Variants in WAC observed in about 807,000 individuals in gnomAD.
WAC encodes the protein WW domain-containing adapter protein with coiled-coil.
A neutral mutation model predicts 79.6 loss-of-function variants in WAC; 11 were observed. That is an observed-to-expected ratio of 0.14 (90% CI 0.09 to 0.23). The LOEUF (loss-of-function observed/expected upper bound fraction) is 0.23. Among genes scored for constraint, WAC ranks in the 10% least tolerant of loss-of-function variants. WAC has a pLI of 1.00. For synonymous variants in WAC, 304 were observed against 276.9 expected, an observed-to-expected ratio of 1.10 and a Z score of -0.97; for missense variants, 728 against 773.5, an observed-to-expected ratio of 0.94 and a Z score of 0.70.
chr10:28,568,444 G>T (rs111271328), intron 3 of WAC, among the ~76,000 whole-genome samples: 1 of 152,136 alleles, frequency 6.6e-6, no homozygotes, highest in Non-Finnish European at 1.5e-5. Context: ...GCAGTGGCAC[G>T]GTCTTGGCTC....
intron 3 of WAC, among the ~76,000 whole-genome samples, chr10:28,578,494 G>C (rs1488540873): frequency 6.6e-6 from 1 of 152,150 alleles, no homozygotes; most frequent in Non-Finnish European, 1.5e-5. Flanking sequence ...TGAGTAGACT[G>C]AAAACTGTTG....
chr10:28,603,835 G>T (rs1297965042), intron 7 of WAC, among the ~76,000 whole-genome samples: 1 of 150,432 alleles, frequency 6.6e-6, no homozygotes, highest in African/African-American at 2.4e-5. Context: ...TCGGGAGGCT[G>T]AGGCAGGAGA....
At chr10:28,547,897 A>G (rs991396121) in intron 3 of WAC, among the ~76,000 whole-genome samples, 27 of 146,660 alleles carry the variant, frequency 1.8e-4, no homozygotes, top group African/African-American at 6.8e-4. Flanking sequence ...ATTACATTTT[A>G]ATTTTCTTTC....
At chr10:28,563,809 C>T (rs188058976) in intron 3 of WAC, among the ~76,000 whole-genome samples, 61 of 131,298 alleles carry the variant, frequency 4.6e-4, no homozygotes, top group Admixed American at 9.2e-4. Flanking sequence ...AACATGTTGG[C>T]CAGGATGGTC....
At position 28,615,784 on chromosome 10, in the gene WAC, G is replaced by A. The variant is rs542680206; in HGVS notation, c.1557-389G>A. 19 of 159,808 alleles carry A rather than the reference G, an allele frequency of 1.2e-4. 1 individual carries two copies. Among genetic ancestry groups the A allele is most frequent in the Admixed American group, 4.4e-4 (7 of 15,988 alleles). The allele number at this position is 159,808 out of a possible 1,614,324, so 9.9% of individuals were successfully genotyped here. On this transcript the variant is annotated intron_variant, in intron 11 of 13. Coordinates refer to ENST00000354911, the MANE Select transcript of WAC (RefSeq NM_016628.5). ...CACCCTCTGATTCAGCAGTTCTGACGTTGAACAAAGGCAATATATATTTTC... is the reference window on the plus strand; with the variant it reads ...CACCCTCTGATTCAGCAGTTCTGACATTGAACAAAGGCAATATATATTTTC...
chr10:28,547,431 A>T (rs1564376937), intron 3 of WAC, among the ~76,000 whole-genome samples: 2 of 151,944 alleles, frequency 1.3e-5, no homozygotes, highest in Non-Finnish European at 2.9e-5. Flanking sequence ...GCTACCTGGG[A>T]GGCTGAGGCA....
At chr10:28,548,999 A>G (rs1837518390) in intron 3 of WAC, among the ~76,000 whole-genome samples, 1 of 152,174 alleles carries the variant, frequency 6.6e-6, no homozygotes, top group African/African-American at 2.4e-5. Context: ...CCTGGGCTCA[A>G]GTGATCCTCT....
chr10:28,572,982 C>T (rs1454014767), intron 3 of WAC, among the ~76,000 whole-genome samples: 2 of 152,104 alleles, frequency 1.3e-5, no homozygotes, highest in African/African-American at 4.8e-5. Context: ...TGACAAGTGA[C>T]CACAGGTGGG....
At chr10:28,533,792 G>C (rs896183275) in intron 1 of WAC, 172 bp downstream of exon 1, 21 of 983,554 alleles carry the variant, frequency 2.1e-5, no homozygotes, top group Non-Finnish European at 1.6e-5. Context: ...GCAGTGTGGC[G>C]GGGAGCGGGG....
intron 3 of WAC, among the ~76,000 whole-genome samples, chr10:28,539,751 G>A (rs929921501): frequency 6.6e-6 from 1 of 152,020 alleles, no homozygotes; most frequent in African/African-American, 2.4e-5. Context: ...TAGAAATAGG[G>A]TTTCACCAAG....
chr10:28,587,127 A>T (rs1839858872), intron 4 of WAC, among the ~76,000 whole-genome samples: 1 of 151,968 alleles, frequency 6.6e-6, no homozygotes, highest in Non-Finnish European at 1.5e-5. Context: ...AAAAAGTTTG[A>T]GTCTCATCAA....
At position 28,568,382 on chromosome 10, in the gene WAC, TTTG is replaced by T. The variant is rs1404860456; in HGVS notation, c.275-15005_275-15003del. The stretch of plus-strand genomic sequence containing the variant: ...TCAATATTAGATACTAAGTTCTTTT[TTTG>T]TTGTTGTTGTTTTGAGATGGAGTCT... On this transcript the variant is annotated intron_variant, in intron 3 of 13. Coordinates refer to ENST00000354911, the MANE Select transcript of WAC (RefSeq NM_016628.5). Among the ~76,000 whole-genome samples the T allele has an allele frequency of 5.3e-5, 8 of 152,248 alleles. No individual in the cohort carries two copies. The South Asian group carries it at 1.4e-3, about 28-fold the overall frequency.
intron 11 of WAC, 37 bp from the exon 12 acceptor site, chr10:28,616,136 C>CT (rs1564422266): frequency 6.7e-7 from 1 of 1,489,770 alleles, no homozygotes; most frequent in South Asian, 1.4e-5. Flanking sequence ...CCAGAAACTA[C>CT]TTTTAAACAT....
chr10:28,606,787 G>A (rs189964771), intron 7 of WAC, among the ~76,000 whole-genome samples: 2 of 152,302 alleles, frequency 1.3e-5, no homozygotes, highest in Admixed American at 6.5e-5. Context: ...TTCACTGAGG[G>A]TGTGTACCTA....
At chr10:28,575,889 G>A (rs988473129) in intron 3 of WAC, among the ~76,000 whole-genome samples, 7 of 152,288 alleles carry the variant, frequency 4.6e-5, no homozygotes, top group African/African-American at 1.7e-4. Context: ...GTATGTGAAG[G>A]TGATCTCATA....
At chr10:28,557,104 TAG>T (rs979321333) in intron 3 of WAC, among the ~76,000 whole-genome samples, 6 of 151,992 alleles carry the variant, frequency 3.9e-5, no homozygotes, top group African/African-American at 9.7e-5. Flanking sequence ...GGAATTTTGA[TAG>T]GTATAAGTCA....
chr10:28,566,683 C>T (rs1838633722), intron 3 of WAC, among the ~76,000 whole-genome samples: 1 of 152,188 alleles, frequency 6.6e-6, no homozygotes, highest in South Asian at 2.1e-4. Context: ...AGACATTACT[C>T]CATTGTCTTC....
At chr10:28,602,201 C>G (rs1395319003) in intron 7 of WAC, among the ~76,000 whole-genome samples, 1 of 152,082 alleles carries the variant, frequency 6.6e-6, no homozygotes, top group Non-Finnish European at 1.5e-5. Context: ...GTGGGTCTTG[C>G]TAGTAGGGGA....
chr10:28,612,050 T>C, intron 10 of WAC, 128 bp downstream of exon 10: 1 of 1,125,004 alleles, frequency 8.9e-7, no homozygotes, highest in South Asian at 1.6e-5. Flanking sequence ...ATGACAGGTA[T>C]GATAGTAGAT....
Sources: gnomAD v4.1 joint callset for allele counts (sites outside exome capture counted in the v4.1 genomes callset) on GRCh38, gnomAD v4.1.1 for gene constraint, MANE v1.5 for transcripts, NCBI Gene and HGNC (gene_info 2026-07-23, HGNC 2026-07-21) for gene names.